Variants in MPZL1 observed in about 807,000 individuals in gnomAD.
MPZL1 encodes the protein myelin protein zero like 1.
A neutral mutation model predicts 29.3 loss-of-function variants in MPZL1; 16 were observed. The ratio of observed to expected loss-of-function variants is 0.55; its 90% CI spans 0.37 to 0.83. MPZL1 has a LOEUF of 0.83. MPZL1 is among the 40% of genes least tolerant of loss of function. MPZL1 has a pLI of 0.00. For missense variants in MPZL1, 279 were observed against 332.9 expected (o/e 0.84, Z 1.26); for synonymous variants, 143 against 132.0 (o/e 1.08, Z -0.57).
chr1:167,723,106 C>G (rs1660073479), intron 1 of MPZL1, among the ~76,000 whole-genome samples: 1 of 152,184 alleles, frequency 6.6e-6, no homozygotes. Context: ...CAGGACTTTT[C>G]TGTGTTGTTG....
chr1:167,768,080 C>A (rs1331314473), intron 2 of MPZL1, among the ~76,000 whole-genome samples: 2 of 151,956 alleles, frequency 1.3e-5, no homozygotes, highest in Non-Finnish European at 2.9e-5. Context: ...CCTTGTTATT[C>A]TTCTGCTTCT....
chr1:167,752,402 A>G (rs1660777581), intron 1 of MPZL1, among the ~76,000 whole-genome samples: 1 of 152,046 alleles, frequency 6.6e-6, no homozygotes, highest in Non-Finnish European at 1.5e-5. Flanking sequence ...TTGGAGGGCC[A>G]TTTTCCCATG....
intron 2 of MPZL1, among the ~76,000 whole-genome samples, chr1:167,771,217 A>G (rs1038773824): frequency 1.3e-5 from 2 of 152,176 alleles, no homozygotes; most frequent in African/African-American, 4.8e-5. Flanking sequence ...GCTGCCTTCA[A>G]GCATCTGTTT....
Position 167,773,332 on chromosome 1 carries a change from T to G in MPZL1, c.569T>G (p.Leu190Arg). Residue 190 changes from leucine (L) to arginine (R), a missense_variant, in exon 4 of 6, where the codon CTC becomes CGC. Coordinates refer to ENST00000359523, the MANE Select transcript of MPZL1 (RefSeq NM_003953.6). ...TLLISMILAV[L>R]YRRKNSKRDY... Reference sequence around the variant, plus strand: ...CTCATCAGCATGATTCTGGCTGTCCTCTATAGAAGGAAAAACTCTAAACGG... The same window carrying G: ...CTCATCAGCATGATTCTGGCTGTCCGCTATAGAAGGAAAAACTCTAAACGG... The G allele has an allele frequency of 2.5e-6, 4 of 1,614,098 alleles. No individual in the cohort carries two copies. The highest frequency in any genetic ancestry group is 3.4e-6 in the Non-Finnish European group (4 of 1,179,950).
At position 167,739,302 on chromosome 1, in the gene MPZL1, T is replaced by TAC. The variant is rs1352294224; in HGVS notation, c.91+17061_91+17062insCA. ...ATATACATATATATATATATATATA[T>TAC]ATATATACACATATATATATTTATG... On this transcript the variant is annotated intron_variant, in intron 1 of 5. Coordinates refer to ENST00000359523, the MANE Select transcript of MPZL1 (RefSeq NM_003953.6). Among the ~76,000 whole-genome samples the TAC allele has an allele frequency of 2.4e-3, 283 of 119,260 alleles. 13 individuals are homozygous for TAC. Among genetic ancestry groups the TAC allele is most frequent in the African/African-American group, 0.012 (263 of 22,704 alleles). The allele number at this position is 119,260 out of a possible 152,430, so 78.2% of individuals were successfully genotyped here. A position where few individuals can be genotyped will look rare whatever the true frequency, so the allele number is the denominator to read the frequency against.
In MPZL1 at chr1:167,759,232, G is replaced by A. The variant is rs532225346; in HGVS notation, c.92-6351G>A. Among the ~76,000 whole-genome samples, 11 of 152,284 alleles carry A rather than the reference G, an allele frequency of 7.2e-5. No individual in the cohort carries two copies. In the East Asian group the frequency reaches 1.9e-3, roughly 27 times the overall value. On this transcript the variant is annotated intron_variant, in intron 1 of 5. Coordinates refer to ENST00000359523, the MANE Select transcript of MPZL1 (RefSeq NM_003953.6). The stretch of plus-strand genomic sequence containing the variant: ...CTTCAGTGACATGGAATGTAGATTA[G>A]AACAATAGTTTCTGTATATCTCAAT...
Position 167,722,021 on chromosome 1 carries a change from C to T in MPZL1, c.-131C>T, listed in dbSNP as rs998189453. On this transcript the variant is annotated 5_prime_UTR_variant, in exon 1 of 6. Transcript: ENST00000359523. Reference sequence around the variant, plus strand: ...CCGCGGCTGGGACCGGAGTGGGGAGCGCGGCGTGGAGGTGCCACCCGGCGC... The same window carrying T: ...CCGCGGCTGGGACCGGAGTGGGGAGTGCGGCGTGGAGGTGCCACCCGGCGC... 31 of 1,192,156 alleles carry T rather than the reference C, an allele frequency of 2.6e-5. No homozygotes were observed. In the African/African-American group the frequency reaches 4.7e-4, roughly 18 times the overall value. 73.8% of individuals were successfully genotyped at this position (1,192,156 alleles called of 1,614,324 possible).
intron 1 of MPZL1, among the ~76,000 whole-genome samples, chr1:167,760,793 G>GTGTA (rs1491026723): frequency 1.4e-5 from 2 of 147,682 alleles, no homozygotes; most frequent in Non-Finnish European, 3.0e-5. Context: ...GTGTGTGTGT[G>GTGTA]TACAGGTGTC....
chr1:167,752,020 C>T (rs990605377), intron 1 of MPZL1, among the ~76,000 whole-genome samples: 16 of 152,212 alleles, frequency 1.1e-4, no homozygotes, highest in Non-Finnish European at 1.9e-4. Context: ...AAGAATCCTC[C>T]GTGATGCCCA....
chr1:167,783,293 A>G (rs576686608), intron 5 of MPZL1, among the ~76,000 whole-genome samples: 1 of 152,322 alleles, frequency 6.6e-6, no homozygotes, highest in African/African-American at 2.4e-5. Context: ...GATAGGCACT[A>G]CCTAGAGTTT....
At chr1:167,732,922 C>T (rs1196053396) in intron 1 of MPZL1, among the ~76,000 whole-genome samples, 1 of 152,190 alleles carries the variant, frequency 6.6e-6, no homozygotes, top group Non-Finnish European at 1.5e-5. Context: ...GTGCTTTCCA[C>T]TTAAGAGCTT....
chr1:167,744,543 C>T (rs902289469), intron 1 of MPZL1, among the ~76,000 whole-genome samples: 1 of 151,710 alleles, frequency 6.6e-6, no homozygotes, highest in African/African-American at 2.4e-5. Flanking sequence ...AATTAGTGGG[C>T]CATGGTCGTG....
chr1:167,768,457 A>T (rs1661167861), intron 2 of MPZL1, among the ~76,000 whole-genome samples: 1 of 151,052 alleles, frequency 6.6e-6, no homozygotes, highest in African/African-American at 2.4e-5. Flanking sequence ...TATAATACAG[A>T]TCCCTTAATA....
At chr1:167,747,194 C>T (rs1403747891) in intron 1 of MPZL1, among the ~76,000 whole-genome samples, 1 of 152,190 alleles carries the variant, frequency 6.6e-6, no homozygotes, top group Non-Finnish European at 1.5e-5. Context: ...GTAGAAGGAA[C>T]TAGTCTTTTA....
intron 1 of MPZL1, among the ~76,000 whole-genome samples, chr1:167,726,651 C>G (rs1660151425): frequency 6.6e-6 from 1 of 152,140 alleles, no homozygotes; most frequent in Admixed American, 6.5e-5. Context: ...TTCCCTTGGC[C>G]TTTTACTTAT....
intron 5 of MPZL1, among the ~76,000 whole-genome samples, chr1:167,786,769 A>G (rs963835359): frequency 2.6e-5 from 4 of 152,210 alleles, no homozygotes; most frequent in South Asian, 2.1e-4. Context: ...GCTTTTGGCT[A>G]TTGAGCTTAT....
In MPZL1 at chr1:167,791,832, C is replaced by T. The variant is rs897170665; in HGVS notation, c.*3911C>T. ...AGGCACAGATGTCTGAGAGCTTTAACCTCAGTCTGGAAGACAATGTGGTGA... is the reference window on the plus strand; with the variant it reads ...AGGCACAGATGTCTGAGAGCTTTAATCTCAGTCTGGAAGACAATGTGGTGA... On this transcript the variant is annotated 3_prime_UTR_variant, in exon 6 of 6. Coordinates refer to ENST00000359523, the MANE Select transcript of MPZL1 (RefSeq NM_003953.6). The T allele has an allele frequency of 6.6e-6, 1 of 152,168 alleles. No individual in the cohort carries two copies. Among genetic ancestry groups the T allele is most frequent in the African/African-American group, 2.4e-5 (1 of 41,438 alleles). 9.4% of individuals were successfully genotyped at this position (152,168 alleles called of 1,614,324 possible).
chr1:167,781,409 G>A (rs1247710493), intron 5 of MPZL1, among the ~76,000 whole-genome samples: 2 of 152,034 alleles, frequency 1.3e-5, no homozygotes, highest in African/African-American at 4.8e-5. Context: ...TACGTTCTCT[G>A]GCCACAATGG....
intron 1 of MPZL1, among the ~76,000 whole-genome samples, chr1:167,755,735 C>T (rs754249391): frequency 1.3e-5 from 2 of 152,206 alleles, no homozygotes; most frequent in Non-Finnish European, 2.9e-5. Context: ...TGGAAAGTCT[C>T]CTAATAGCAC....
Sources: allele counts gnomAD v4.1 joint callset (sites outside exome capture counted in the v4.1 genomes callset), GRCh38; gene constraint gnomAD v4.1.1; transcripts MANE v1.5; gene names NCBI Gene and HGNC (gene_info 2026-07-23, HGNC 2026-07-21).